The following SLC16A10 variants were observed in gnomAD, a reference collection of about 807,000 sequenced individuals.
The protein encoded by SLC16A10 is solute carrier family 16 member 10.
SLC16A10 carries 27 observed loss-of-function variants against 40.0 expected under a neutral mutation model. That is an observed-to-expected ratio of 0.67 (90% confidence interval 0.50 to 0.93). The LOEUF (loss-of-function observed/expected upper bound fraction) is 0.93. SLC16A10 is among the 40% of genes least tolerant of loss of function. SLC16A10 has a pLI of 0.00. For synonymous variants in SLC16A10, 213 were observed against 249.8 expected (o/e 0.85, Z 1.39); for missense variants, 529 against 658.2 (o/e 0.80, Z 2.15).
At chr6:111,099,540 C>T (rs1771136695) in intron 1 of SLC16A10, among the ~76,000 whole-genome samples, 1 of 152,008 alleles carries the variant, frequency 6.6e-6, no homozygotes, top group Non-Finnish European at 1.5e-5. Flanking sequence ...GTCTTGAACT[C>T]CTGGGCTCAA....
intron 3 of SLC16A10, among the ~76,000 whole-genome samples, chr6:111,203,731 T>TAAAA (rs1403415431): frequency 6.8e-6 from 1 of 147,464 alleles, no homozygotes; most frequent in Non-Finnish European, 1.5e-5. Flanking sequence ...AATAAATAAA[T>TAAAA]AAATAAATAA....
chr6:111,105,393 T>C (rs1256810075), intron 1 of SLC16A10, among the ~76,000 whole-genome samples: 5 of 152,204 alleles, frequency 3.3e-5, no homozygotes, highest in African/African-American at 1.2e-4. Context: ...AGAGCTACTA[T>C]AATACTATTA....
At chr6:111,167,348 G>A (rs1051330410) in intron 1 of SLC16A10, among the ~76,000 whole-genome samples, 12 of 152,206 alleles carry the variant, frequency 7.9e-5, no homozygotes, top group African/African-American at 2.9e-4. Context: ...AAATGAGCAA[G>A]GGCAAGTGTC....
In SLC16A10 at chr6:111,087,579, C is replaced by CGGCCGCCTGCGCGCT. The variant is rs968747353; in HGVS notation, c.-157_-143dup. The CGGCCGCCTGCGCGCT allele has an allele frequency of 8.4e-4, 213 of 254,058 alleles. 1 individual carries two copies. The highest frequency in any genetic ancestry group is 4.7e-3 in the African/African-American group (207 of 44,044). 15.7% of individuals were successfully genotyped at this position (254,058 alleles called of 1,614,324 possible). On this transcript the variant is annotated 5_prime_UTR_variant, in exon 1 of 6. Coordinates refer to ENST00000368851, the MANE Select transcript of SLC16A10 (RefSeq NM_018593.5). ...TGTTCGCGCGCGCCAGCTGTCCTCG[C>CGGCCGCCTGCGCGCT]GGCCGCCTGCGCGCTGGCCGCCTGC... is the stretch of plus-strand genomic sequence containing the variant.
intron 1 of SLC16A10, among the ~76,000 whole-genome samples, chr6:111,092,493 T>C (rs1318183431): frequency 6.6e-6 from 1 of 151,266 alleles, no homozygotes; most frequent in Non-Finnish European, 1.5e-5. Context: ...TTTTTGTATT[T>C]TTAGTAGAGA....
intron 1 of SLC16A10, among the ~76,000 whole-genome samples, chr6:111,153,264 G>A (rs1379732883): frequency 1.3e-5 from 2 of 152,220 alleles, no homozygotes; most frequent in East Asian, 3.8e-4. Context: ...ACCAGGCGTG[G>A]TGGCTCATGC....
At chr6:111,097,514 A>T (rs1012853111) in intron 1 of SLC16A10, among the ~76,000 whole-genome samples, 3 of 151,842 alleles carry the variant, frequency 2.0e-5, no homozygotes, top group Non-Finnish European at 4.4e-5. Flanking sequence ...GGGTTTCGCC[A>T]TGTTGGTCAG....
chr6:111,168,664 A>G (rs1772523737), intron 1 of SLC16A10, among the ~76,000 whole-genome samples: 1 of 152,232 alleles, frequency 6.6e-6, no homozygotes, highest in South Asian at 2.1e-4. Flanking sequence ...TTATTCTTGA[A>G]TTTGATCAGA....
intron 1 of SLC16A10, among the ~76,000 whole-genome samples, chr6:111,135,870 G>C (rs1771868752): frequency 6.6e-6 from 1 of 152,206 alleles, no homozygotes. Flanking sequence ...CCAAACCAAA[G>C]GCTCAGCTCT....
chr6:111,122,972 G>A (rs1022115558), intron 1 of SLC16A10, among the ~76,000 whole-genome samples: 4 of 152,044 alleles, frequency 2.6e-5, no homozygotes, highest in African/African-American at 9.7e-5. Context: ...ATTCCATTTG[G>A]AAAATAAACA....
At chr6:111,145,708 G>T (rs190684918) in intron 1 of SLC16A10, among the ~76,000 whole-genome samples, 25 of 152,214 alleles carry the variant, frequency 1.6e-4, no homozygotes, top group African/African-American at 6.0e-4. Context: ...AATCAGCCGG[G>T]CATGGCAGTG....
At chr6:111,096,823 CT>C (rs79384362) in intron 1 of SLC16A10, among the ~76,000 whole-genome samples, 1 of 151,564 alleles carries the variant, frequency 6.6e-6, no homozygotes, top group Non-Finnish European at 1.5e-5. Flanking sequence ...TCTTTCTTTT[CT>C]TTTTTTTGTT....
chr6:111,150,375 T>C (rs1291158995), intron 1 of SLC16A10, among the ~76,000 whole-genome samples: 2 of 152,204 alleles, frequency 1.3e-5, no homozygotes, highest in Non-Finnish European at 2.9e-5. Flanking sequence ...TATTCTGTTA[T>C]GGCAGCAAAA....
At chr6:111,154,288 G>T (rs761608365) in intron 1 of SLC16A10, among the ~76,000 whole-genome samples, 3 of 152,184 alleles carry the variant, frequency 2.0e-5, no homozygotes, top group Non-Finnish European at 4.4e-5. Context: ...AGGATTTGAG[G>T]TAGTTTTTAG....
chr6:111,132,205 C>G (rs1364767130), intron 1 of SLC16A10, among the ~76,000 whole-genome samples: 5 of 151,198 alleles, frequency 3.3e-5, no homozygotes, highest in Non-Finnish European at 4.4e-5. Context: ...GAGAGAGAGA[C>G]AGAGACAGAG....
chr6:111,138,738 A>C (rs9387000), intron 1 of SLC16A10, among the ~76,000 whole-genome samples: 75,794 of 151,790 alleles, frequency 0.5, 19,877 homozygotes, highest in East Asian at 0.69. Context: ...CTCCTGCCTC[A>C]GCCTTCCAAG....
chr6:111,115,722 C>T (rs1771473609), intron 1 of SLC16A10, among the ~76,000 whole-genome samples: 1 of 152,090 alleles, frequency 6.6e-6, no homozygotes, highest in African/African-American at 2.4e-5. Flanking sequence ...TTGAGCAAAA[C>T]TCAGTAGTAT....
intron 1 of SLC16A10, among the ~76,000 whole-genome samples, chr6:111,135,057 GT>G (rs1348723861): frequency 1.3e-5 from 2 of 151,942 alleles, no homozygotes; most frequent in African/African-American, 2.4e-5. Context: ...GAACTTTACT[GT>G]TTTCACATGC....
At chr6:111,188,036 G>GTCTTGGTCCCCGTTA (rs1772928563) in intron 3 of SLC16A10, among the ~76,000 whole-genome samples, 1 of 152,170 alleles carries the variant, frequency 6.6e-6, no homozygotes, top group African/African-American at 2.4e-5. Flanking sequence ...CAGAAGCAAA[G>GTCTTGGTCCCCGTTA]TCTTGGTCCC....
Sources: gnomAD v4.1 joint callset for allele counts (sites outside exome capture counted in the v4.1 genomes callset) on GRCh38, gnomAD v4.1.1 for gene constraint, MANE v1.5 for transcripts, NCBI Gene and HGNC (gene_info 2026-07-23, HGNC 2026-07-21) for gene names.